HS3ST4: variants seen among roughly 807,000 people sequenced by gnomAD.
HS3ST4 encodes the protein heparan sulfate glucosamine 3-O-sulfotransferase 4.
Under a neutral mutation model 29.2 loss-of-function variants are expected in HS3ST4, and 17 were observed. That is an observed-to-expected ratio of 0.58 (90% CI 0.40 to 0.87). HS3ST4 has a LOEUF of 0.87. Ranked by LOEUF, HS3ST4 falls within the 40% of genes least tolerant of loss-of-function variation. The pLI, the probability that HS3ST4 is intolerant of heterozygous loss-of-function variation, is 0.00. For synonymous variants in HS3ST4, 314 were observed against 285.7 expected, an observed-to-expected ratio of 1.10 and a Z score of -1.00; for missense variants, 627 against 634.5, an observed-to-expected ratio of 0.99 and a Z score of 0.13.
At chr16:26,012,157 G>T (rs1387993842) in intron 1 of HS3ST4, among the ~76,000 whole-genome samples, 1 of 152,216 alleles carries the variant, frequency 6.6e-6, no homozygotes, top group Non-Finnish European at 1.5e-5. Context: ...GGTGTGGTTT[G>T]CAGGCGATCC....
intron 1 of HS3ST4, among the ~76,000 whole-genome samples, chr16:26,033,713 C>T (rs1969555116): frequency 6.6e-6 from 1 of 151,830 alleles, no homozygotes; most frequent in Non-Finnish European, 1.5e-5. Flanking sequence ...CAGAGCGAGA[C>T]CTTGAGAAAG....
intron 1 of HS3ST4, among the ~76,000 whole-genome samples, chr16:25,840,437 G>A (rs1436235022): frequency 6.6e-6 from 1 of 152,122 alleles, no homozygotes; most frequent in African/African-American, 2.4e-5. Flanking sequence ...GTTTCAATAG[G>A]TTAAGTTAAA....
At chr16:25,757,510 T>C (rs1966764784) in intron 1 of HS3ST4, among the ~76,000 whole-genome samples, 1 of 151,332 alleles carries the variant, frequency 6.6e-6, no homozygotes, top group Non-Finnish European at 1.5e-5. Flanking sequence ...TCACTTTATG[T>C]CTCTGTGTCA....
chr16:25,992,462 G>A (rs1174259330), intron 1 of HS3ST4, among the ~76,000 whole-genome samples: 2 of 152,196 alleles, frequency 1.3e-5, no homozygotes, highest in Non-Finnish European at 2.9e-5. Context: ...ACTTCCCAAG[G>A]ATGTTGTGTC....
intron 1 of HS3ST4, among the ~76,000 whole-genome samples, chr16:26,070,320 T>A (rs1898587481): frequency 6.6e-6 from 1 of 152,224 alleles, no homozygotes; most frequent in Non-Finnish European, 1.5e-5. Context: ...ATGATGAGCA[T>A]TTTTTCATGT....
In HS3ST4 at chr16:25,851,675, A is replaced by G. The variant is rs1385592763; in HGVS notation, c.734+158524A>G. Among the ~76,000 whole-genome samples the G allele has an allele frequency of 5.9e-5, 9 of 152,136 alleles. 1 individual carries two copies. Among genetic ancestry groups the G allele is most frequent in the Admixed American group, 5.9e-4 (9 of 15,268 alleles). ...TGGATATACAATCTTTGTTGCCTCAATAGAGGGAAGTGGAGTCAGGTGGGT... is the reference window on the plus strand; with the variant it reads ...TGGATATACAATCTTTGTTGCCTCAGTAGAGGGAAGTGGAGTCAGGTGGGT... On this transcript the variant is annotated intron_variant, in intron 1 of 1. Coordinates refer to ENST00000331351, the MANE Select transcript of HS3ST4 (RefSeq NM_006040.3).
intron 1 of HS3ST4, among the ~76,000 whole-genome samples, chr16:26,128,935 A>G (rs1037446395): frequency 6.6e-6 from 1 of 152,150 alleles, no homozygotes; most frequent in Non-Finnish European, 1.5e-5. Flanking sequence ...GGCTCAGAAA[A>G]TATTGCTAAT....
intron 1 of HS3ST4, among the ~76,000 whole-genome samples, chr16:26,049,415 C>T (rs1273985559): frequency 7.1e-6 from 1 of 140,952 alleles, no homozygotes; most frequent in Non-Finnish European, 1.5e-5. Context: ...AATGATGTGG[C>T]TGTGAGTAGA....
intron 1 of HS3ST4, among the ~76,000 whole-genome samples, chr16:26,121,008 C>A (rs1596688809): frequency 6.6e-6 from 1 of 152,314 alleles, no homozygotes; most frequent in Non-Finnish European, 1.5e-5. Context: ...GCATCCTAAC[C>A]ACTAAGCCTT....
chr16:25,752,596 A>T (rs1966729471), intron 1 of HS3ST4, among the ~76,000 whole-genome samples: 1 of 152,230 alleles, frequency 6.6e-6, no homozygotes, highest in Admixed American at 6.5e-5. Flanking sequence ...CTTACAGTCA[A>T]TTCTACATTT....
chr16:25,996,256 T>C (rs1969158342), intron 1 of HS3ST4, among the ~76,000 whole-genome samples: 1 of 152,194 alleles, frequency 6.6e-6, no homozygotes, highest in Non-Finnish European at 1.5e-5. Context: ...ATGTGATTTC[T>C]ATGTACCCTT....
intron 1 of HS3ST4, among the ~76,000 whole-genome samples, chr16:25,885,452 G>A (rs1449441661): frequency 6.6e-6 from 1 of 152,250 alleles, no homozygotes; most frequent in Non-Finnish European, 1.5e-5. Flanking sequence ...CCAGTTTGTC[G>A]AGTTCTGCAA....
At chr16:25,964,091 C>T (rs1443354508) in intron 1 of HS3ST4, among the ~76,000 whole-genome samples, 1 of 151,616 alleles carries the variant, frequency 6.6e-6, no homozygotes, top group Non-Finnish European at 1.5e-5. Flanking sequence ...AGGAGAATCA[C>T]TTGAACCCGG....
intron 1 of HS3ST4, among the ~76,000 whole-genome samples, chr16:25,727,748 T>C (rs905975131): frequency 2.6e-5 from 4 of 152,212 alleles, no homozygotes; most frequent in Non-Finnish European, 4.4e-5. Flanking sequence ...TGCTGAATTA[T>C]GCCATTCGGT....
intron 1 of HS3ST4, among the ~76,000 whole-genome samples, chr16:25,919,788 T>G (rs1233819548): frequency 6.6e-6 from 1 of 152,134 alleles, no homozygotes; most frequent in Non-Finnish European, 1.5e-5. Context: ...ATAAATGGGG[T>G]CTTAAACATG....
intron 1 of HS3ST4, among the ~76,000 whole-genome samples, chr16:26,118,191 G>C (rs969242710): frequency 4.6e-5 from 7 of 152,132 alleles, no homozygotes; most frequent in African/African-American, 1.7e-4. Context: ...TTAGCCTCCT[G>C]AGTAGCTGGG....
intron 1 of HS3ST4, among the ~76,000 whole-genome samples, chr16:25,747,866 C>G (rs1027893892): frequency 1.8e-4 from 27 of 152,148 alleles, no homozygotes; most frequent in African/African-American, 5.8e-4. Context: ...TAGCTCACCC[C>G]CTCCTGAGTT....
chr16:25,855,151 G>C (rs1967562823), intron 1 of HS3ST4, among the ~76,000 whole-genome samples: 1 of 152,184 alleles, frequency 6.6e-6, no homozygotes, highest in East Asian at 1.9e-4. Flanking sequence ...TGGATTGAAA[G>C]ATTTTCTGAT....
At chr16:25,995,021 G>A (rs1322215760) in intron 1 of HS3ST4, among the ~76,000 whole-genome samples, 2 of 151,858 alleles carry the variant, frequency 1.3e-5, no homozygotes, top group African/African-American at 4.8e-5. Flanking sequence ...TTCCATCAAT[G>A]TCCCCAGCAT....
Sources: allele counts gnomAD v4.1 joint callset (sites outside exome capture counted in the v4.1 genomes callset), GRCh38; gene constraint gnomAD v4.1.1; transcripts MANE v1.5; gene names NCBI Gene and HGNC (gene_info 2026-07-23, HGNC 2026-07-21).